Variants in CMIP observed in about 807,000 individuals in gnomAD.
CMIP encodes the protein c-Maf inducing protein.
Under a neutral mutation model 97.3 loss-of-function variants are expected in CMIP, and 13 were observed. The observed-to-expected ratio is 0.13, with a 90% CI of 0.09 to 0.21. The LOEUF is 0.21. Ranked by LOEUF, CMIP falls within the 10% of genes least tolerant of loss-of-function variation. The pLI, the probability that CMIP is intolerant of heterozygous loss-of-function variation, is 1.00. For synonymous variants in CMIP, 538 were observed against 436.3 expected, an observed-to-expected ratio of 1.23 and a Z score of -2.91; for missense variants, 847 against 1,024.9, an observed-to-expected ratio of 0.83 and a Z score of 2.37.
At chr16:81,505,718 C>T (rs1161077348) in intron 1 of CMIP, among the ~76,000 whole-genome samples, 5 of 152,166 alleles carry the variant, frequency 3.3e-5, no homozygotes, top group East Asian at 1.9e-4. Context: ...AGGCTGGGCA[C>T]GGTGGCTCAT....
intron 17 of CMIP, 122 bp downstream of exon 17, chr16:81,702,791 C>A: frequency 1.2e-6 from 1 of 828,092 alleles, no homozygotes; most frequent in Non-Finnish European, 2.0e-6. Flanking sequence ...GCACAAGGAC[C>A]CCCTAGTACT....
At chr16:81,602,472 C>T (rs868250024) in intron 1 of CMIP, among the ~76,000 whole-genome samples, 1 of 152,214 alleles carries the variant, frequency 6.6e-6, no homozygotes, top group Non-Finnish European at 1.5e-5. Flanking sequence ...GTAAGAGTCA[C>T]GCTTTTAGCG....
At chr16:81,577,381 TCAC>T (rs148616410) in intron 1 of CMIP, among the ~76,000 whole-genome samples, 3,741 of 137,062 alleles carry the variant, frequency 0.027, no homozygotes, top group African/African-American at 0.08. Context: ...ATCACCTTCA[TCAC>T]CACCATCATC....
intron 1 of CMIP, among the ~76,000 whole-genome samples, chr16:81,535,943 G>A (rs1391027446): frequency 6.6e-6 from 1 of 152,142 alleles, no homozygotes; most frequent in Non-Finnish European, 1.5e-5. Context: ...GAGCATCTTG[G>A]ATCTCCTCCC....
intron 3 of CMIP, among the ~76,000 whole-genome samples, chr16:81,641,640 G>C (rs758486252): frequency 3.3e-5 from 5 of 152,186 alleles, no homozygotes; most frequent in Non-Finnish European, 4.4e-5. Flanking sequence ...TGTTTCCCTG[G>C]AAGCGGCATT....
chr16:81,692,992 T>C (rs1423137296), intron 11 of CMIP, among the ~76,000 whole-genome samples, 166 bp from the exon 12 acceptor site: 6 of 152,190 alleles, frequency 3.9e-5, no homozygotes, highest in Non-Finnish European at 7.4e-5. Flanking sequence ...AAGGCCTTTG[T>C]TTTGGAGCTT....
intron 3 of CMIP, among the ~76,000 whole-genome samples, chr16:81,640,709 G>T (rs2092294338): frequency 6.6e-6 from 1 of 150,588 alleles, no homozygotes; most frequent in Admixed American, 6.6e-5. Context: ...TCCAGGCTCT[G>T]CCTCCATACG....
intron 5 of CMIP, among the ~76,000 whole-genome samples, 185 bp from the exon 6 acceptor site, chr16:81,660,699 C>G (rs1018511063): frequency 6.6e-6 from 1 of 151,876 alleles, no homozygotes; most frequent in Non-Finnish European, 1.5e-5. Flanking sequence ...CAGACAGATA[C>G]GGTTGTGGAT....
intron 1 of CMIP, among the ~76,000 whole-genome samples, chr16:81,460,271 G>A (rs183056294): frequency 6.6e-6 from 1 of 152,276 alleles, no homozygotes; most frequent in East Asian, 1.9e-4. Context: ...AGGATGGGAG[G>A]AGGGTGAGTG....
intron 6 of CMIP, among the ~76,000 whole-genome samples, chr16:81,662,816 T>C (rs75114521): frequency 0.017 from 2,656 of 152,222 alleles, 92 homozygotes; most frequent in African/African-American, 0.059. Context: ...ATGAATTGGG[T>C]CTGCAGACTG....
chr16:81,646,879 A>G (rs2092370123), intron 3 of CMIP, among the ~76,000 whole-genome samples: 1 of 152,130 alleles, frequency 6.6e-6, no homozygotes, highest in Admixed American at 6.6e-5. Flanking sequence ...TCATCAGTTG[A>G]TGAATTTAAG....
chr16:81,460,871 C>T (rs1286725269), intron 1 of CMIP, among the ~76,000 whole-genome samples: 1 of 152,206 alleles, frequency 6.6e-6, no homozygotes, highest in East Asian at 1.9e-4. Context: ...GTGGCCATTT[C>T]TTTGCCTACC....
intron 6 of CMIP, among the ~76,000 whole-genome samples, chr16:81,662,461 G>T (rs527595581): frequency 1.3e-5 from 2 of 152,164 alleles, no homozygotes; most frequent in Non-Finnish European, 2.9e-5. Context: ...TTCAAAGAGG[G>T]CCGTCTGCCT....
chr16:81,683,306 A>G (rs1482277310), intron 10 of CMIP, among the ~76,000 whole-genome samples: 1 of 152,186 alleles, frequency 6.6e-6, no homozygotes. Flanking sequence ...GACTCTTTGC[A>G]AACATTAGAT....
At position 81,579,566 on chromosome 16, in the gene CMIP, T is replaced by G. The variant is rs79110273; in HGVS notation, c.301-28001T>G. Among the ~76,000 whole-genome samples the G allele has an allele frequency of 6.4e-3, 973 of 152,306 alleles. 12 individuals are homozygous for G. The highest frequency in any genetic ancestry group is 0.022 in the African/African-American group (922 of 41,564). ...AGGGAAAATGTGGACTTGGAGAGAT[T>G]GTCCCTGAACCATAGCAGGTGTGGA... On this transcript the variant is annotated intron_variant, in intron 1 of 20. Coordinates refer to ENST00000537098, the MANE Select transcript of CMIP (RefSeq NM_198390.3).
intron 8 of CMIP, 114 bp downstream of exon 8, chr16:81,670,359 T>A (rs2092670724): frequency 8.9e-7 from 1 of 1,123,690 alleles, no homozygotes; most frequent in South Asian, 1.5e-5. Context: ...ACTCCCTCTA[T>A]GAGGAAGCCC....
chr16:81,608,809 C>T (rs1050576438), intron 2 of CMIP, among the ~76,000 whole-genome samples: 3 of 152,244 alleles, frequency 2.0e-5, no homozygotes, highest in South Asian at 2.1e-4. Flanking sequence ...AAAATTTACT[C>T]TCTTATCAGT....
chr16:81,468,515 G>GC (rs1907339444), intron 1 of CMIP, among the ~76,000 whole-genome samples: 4 of 152,268 alleles, frequency 2.6e-5, no homozygotes, highest in Non-Finnish European at 5.9e-5. Flanking sequence ...GCCTGCGCGT[G>GC]CCGTGCCCTC....
chr16:81,581,686 C>G (rs1160872475), intron 1 of CMIP, among the ~76,000 whole-genome samples: 1 of 152,126 alleles, frequency 6.6e-6, no homozygotes, highest in Admixed American at 6.5e-5. Flanking sequence ...ATAGTGCTAT[C>G]CTTATTCCTC....
Sources: gnomAD v4.1 joint callset for allele counts (sites outside exome capture counted in the v4.1 genomes callset) on GRCh38, gnomAD v4.1.1 for gene constraint, MANE v1.5 for transcripts, NCBI Gene and HGNC (gene_info 2026-07-23, HGNC 2026-07-21) for gene names.